RORA: variants seen among roughly 807,000 people sequenced by gnomAD.
RORA encodes the protein nuclear receptor ROR-alpha.
Under a neutral mutation model 69.5 loss-of-function variants are expected in RORA, and 7 were observed. The ratio of observed to expected loss-of-function variants is 0.10; its 90% confidence interval spans 0.06 to 0.19. The LOEUF is 0.19. Among genes scored for constraint, RORA ranks in the 10% least tolerant of loss-of-function variants. The pLI, the probability that RORA is intolerant of heterozygous loss-of-function variation, is 1.00. For missense variants in RORA, 457 were observed against 663.0 expected (o/e 0.69, Z 3.41); for synonymous variants, 261 against 240.8 (o/e 1.08, Z -0.78).
intron 1 of RORA, among the ~76,000 whole-genome samples, chr15:61,046,984 C>T (rs534611232): frequency 1.3e-5 from 2 of 152,228 alleles, no homozygotes; most frequent in Non-Finnish European, 2.9e-5. Context: ...GAAATGGCTG[C>T]CTCGGAGTTC....
chr15:61,220,661 C>T (rs973150070), intron 1 of RORA, among the ~76,000 whole-genome samples: 3 of 152,166 alleles, frequency 2.0e-5, no homozygotes, highest in African/African-American at 7.2e-5. Context: ...TCCCTTTACA[C>T]CCTAGGAAAG....
At chr15:60,893,239 A>G (rs548023904) in intron 1 of RORA, among the ~76,000 whole-genome samples, 1 of 152,316 alleles carries the variant, frequency 6.6e-6, no homozygotes, top group African/African-American at 2.4e-5. Context: ...ACATTCCCCA[A>G]ACCCCCTATC....
At chr15:61,052,420 G>T (rs947070894) in intron 1 of RORA, among the ~76,000 whole-genome samples, 33 of 152,332 alleles carry the variant, frequency 2.2e-4, no homozygotes, top group African/African-American at 7.2e-4. Flanking sequence ...AACTCCAGTG[G>T]TGCCACTGAC....
chr15:61,013,568 GCAATCCCAAA>G (rs1213982306), intron 1 of RORA, among the ~76,000 whole-genome samples: 1 of 152,092 alleles, frequency 6.6e-6, no homozygotes, highest in Non-Finnish European at 1.5e-5. Flanking sequence ...TCCTAGCTAA[GCAATCCCAAA>G]CACCTTGAGC....
chr15:60,996,073 T>G (rs1345457744), intron 1 of RORA, among the ~76,000 whole-genome samples: 1 of 99,206 alleles, frequency 1.0e-5, no homozygotes, highest in African/African-American at 3.0e-5. Context: ...TGTTTTTTGT[T>G]TTTTTTTTTT....
rs577711928 is a variant in RORA, at chr15:61,113,587, C to T, written c.166+115466G>A. On this transcript the variant is annotated intron_variant, in intron 1 of 10. Transcript: ENST00000335670. ...GTAAACCAGGTGCCTCCAGTGCCTGCGGTTATTCCCAAGTCCACATTTTGC... is the reference window on the plus strand; with the variant it reads ...GTAAACCAGGTGCCTCCAGTGCCTGTGGTTATTCCCAAGTCCACATTTTGC... Among the ~76,000 whole-genome samples the T allele has an allele frequency of 9.8e-5, 15 of 152,302 alleles. No homozygotes were observed. In the South Asian group the frequency reaches 1.2e-3, roughly 13 times the overall value.
chr15:61,178,771 T>C (rs2079654616), intron 1 of RORA, among the ~76,000 whole-genome samples: 1 of 152,144 alleles, frequency 6.6e-6, no homozygotes, highest in Non-Finnish European at 1.5e-5. Context: ...AAAATAAGCT[T>C]ACATATAAAT....
intron 1 of RORA, among the ~76,000 whole-genome samples, chr15:60,887,497 A>G (rs2073764702): frequency 6.6e-6 from 1 of 152,268 alleles, no homozygotes; most frequent in African/African-American, 2.4e-5. Flanking sequence ...AGACAAGAGC[A>G]GAGGAGCAGG....
intron 1 of RORA, among the ~76,000 whole-genome samples, chr15:60,843,062 A>G (rs1489989030): frequency 6.6e-6 from 1 of 151,686 alleles, no homozygotes; most frequent in East Asian, 1.9e-4. Flanking sequence ...TAATTCTCCA[A>G]ATGTCCAAAC....
intron 2 of RORA, among the ~76,000 whole-genome samples, chr15:60,564,640 G>A (rs2067664846): frequency 6.6e-6 from 1 of 152,114 alleles, no homozygotes; most frequent in South Asian, 2.1e-4. Context: ...GGAAAGGTGG[G>A]GGCCTGGGAA....
intron 1 of RORA, among the ~76,000 whole-genome samples, chr15:60,894,604 A>G (rs1891181157): frequency 6.6e-6 from 1 of 152,218 alleles, no homozygotes; most frequent in African/African-American, 2.4e-5. Flanking sequence ...CTGCCGCTCA[A>G]ACGCTAGTGT....
chr15:60,762,270 A>C (rs1244730384), intron 1 of RORA, among the ~76,000 whole-genome samples: 1 of 152,206 alleles, frequency 6.6e-6, no homozygotes, highest in Non-Finnish European at 1.5e-5. Context: ...ATTCCAGGCA[A>C]GATAACATCT....
chr15:60,866,761 C>T (rs1447163880), intron 1 of RORA, among the ~76,000 whole-genome samples: 1 of 152,090 alleles, frequency 6.6e-6, no homozygotes, highest in African/African-American at 2.4e-5. Flanking sequence ...CATGCCCATC[C>T]CCTATATCTT....
intron 1 of RORA, among the ~76,000 whole-genome samples, chr15:60,914,170 G>C (rs557249291): frequency 7.5e-4 from 115 of 152,342 alleles, no homozygotes; most frequent in African/African-American, 2.7e-3. Flanking sequence ...ACTTTACACA[G>C]TCAGGGAATG....
chr15:60,533,650 A>G (rs1026129777), intron 2 of RORA, among the ~76,000 whole-genome samples: 5 of 152,218 alleles, frequency 3.3e-5, no homozygotes, highest in African/African-American at 1.2e-4. Context: ...AAGTAGAGAA[A>G]TCCTGAAAGG....
chr15:60,776,524 T>G (rs146244536), intron 1 of RORA, among the ~76,000 whole-genome samples: 218 of 152,298 alleles, frequency 1.4e-3, no homozygotes, highest in African/African-American at 5.0e-3. Context: ...CAACCAGGCT[T>G]TCTTTAAGTA....
rs1278630494 is a variant in RORA, at chr15:61,100,724, C to T, written c.166+128329G>A. On this transcript the variant is annotated intron_variant, in intron 1 of 10. Coordinates refer to ENST00000335670, the MANE Select transcript of RORA (RefSeq NM_134261.3). The stretch of plus-strand genomic sequence containing the variant: ...TTTCAGTATTCTTTATCAGCCATCA[C>T]ATTATCTATCACCAGCACATGCCCT... 2.0e-5 allele frequency among the ~76,000 whole-genome samples: 3 copies of T among 152,196 alleles called. No individual in the cohort carries two copies. In the East Asian group the frequency reaches 5.8e-4, roughly 29 times the overall value.
chr15:60,967,445 G>A (rs1893586596), intron 1 of RORA, among the ~76,000 whole-genome samples: 1 of 152,192 alleles, frequency 6.6e-6, no homozygotes, highest in African/African-American at 2.4e-5. Context: ...TTAAAGCAAA[G>A]AAGTGCCCAT....
chr15:60,714,348 C>T lies in RORA; in HGVS notation c.167-35662G>A, dbSNP rs139231565. Among the ~76,000 whole-genome samples, 945 of 151,800 alleles carry T rather than the reference C, an allele frequency of 6.2e-3. 4 individuals are homozygous for T. Among genetic ancestry groups the T allele is most frequent in the Admixed American group, 0.024 (366 of 15,250 alleles). ...TGCTGGGATTACAGGCGTGAGCCAC[C>T]GCATCTGGCCAATTCTTTTTATTTA... On this transcript the variant is annotated intron_variant, in intron 1 of 10. Coordinates refer to ENST00000335670, the MANE Select transcript of RORA (RefSeq NM_134261.3).
Sources: allele counts gnomAD v4.1 joint callset (sites outside exome capture counted in the v4.1 genomes callset), GRCh38; gene constraint gnomAD v4.1.1; transcripts MANE v1.5; gene names NCBI Gene and HGNC (gene_info 2026-07-23, HGNC 2026-07-21).